Variants in ADGRL2 observed in about 807,000 individuals in gnomAD.
ADGRL2 encodes adhesion G protein-coupled receptor L2, also known as calcium-independent alpha-latrotoxin receptor 2.
Under a neutral mutation model 157.4 loss-of-function variants are expected in ADGRL2, and 44 were observed. The ratio of observed to expected loss-of-function variants is 0.28; its 90% CI spans 0.22 to 0.36. ADGRL2 has a LOEUF of 0.36. ADGRL2 is among the 10% of genes least tolerant of loss of function. ADGRL2 has a pLI of 1.00. For synonymous variants in ADGRL2, 585 were observed against 624.7 expected, an observed-to-expected ratio of 0.94 and a Z score of 0.95; for missense variants, 1,510 against 1,768.9, an observed-to-expected ratio of 0.85 and a Z score of 2.63.
intron 2 of ADGRL2, among the ~76,000 whole-genome samples, chr1:81,539,904 T>C (rs1290143508): frequency 6.6e-6 from 1 of 152,098 alleles, no homozygotes; most frequent in Non-Finnish European, 1.5e-5. Flanking sequence ...CTCTAGAACT[T>C]AGTGTTTTTA....
At chr1:81,707,234 GA>G (rs1026441728) in intron 1 of ADGRL2, among the ~76,000 whole-genome samples, 5 of 151,914 alleles carry the variant, frequency 3.3e-5, no homozygotes, top group African/African-American at 1.2e-4. Flanking sequence ...TTATCAGGGG[GA>G]AAAAAAGGAT....
chr1:81,803,060 C>T (rs1468805878), intron 1 of ADGRL2, among the ~76,000 whole-genome samples: 1 of 152,090 alleles, frequency 6.6e-6, no homozygotes, highest in Non-Finnish European at 1.5e-5. Context: ...CGCGTTGGGC[C>T]TGCGGGAGAA....
At chr1:81,465,343 T>G (rs933338265) in intron 2 of ADGRL2, among the ~76,000 whole-genome samples, 2 of 152,148 alleles carry the variant, frequency 1.3e-5, no homozygotes, top group African/African-American at 4.8e-5. Flanking sequence ...TATCAGAAAT[T>G]AATTACTATT....
intron 1 of ADGRL2, among the ~76,000 whole-genome samples, chr1:81,329,713 C>A (rs890220002): frequency 1.3e-5 from 2 of 152,062 alleles, no homozygotes; most frequent in African/African-American, 4.8e-5. Flanking sequence ...TTTTTAGATG[C>A]CAATTTATTT....
At chr1:81,600,245 G>A (rs747146987) in intron 3 of ADGRL2, among the ~76,000 whole-genome samples, 32 of 152,164 alleles carry the variant, frequency 2.1e-4, no homozygotes, top group Non-Finnish European at 4.0e-4. Flanking sequence ...CAGACCAAAT[G>A]GATGGCAAAG....
intron 3 of ADGRL2, among the ~76,000 whole-genome samples, chr1:81,934,904 A>T (rs1349872157): frequency 6.6e-6 from 1 of 151,988 alleles, no homozygotes; most frequent in Admixed American, 6.6e-5. Context: ...AGGAAATGAA[A>T]GGACTTTTGT....
In ADGRL2 at chr1:81,950,239, A is replaced by C; in HGVS notation, c.1261A>C (p.Ile421Leu). 6.2e-7 allele frequency: 1 copy of C among 1,614,086 alleles called. No individual in the cohort carries two copies. Among genetic ancestry groups the C allele is most frequent in the East Asian group, 2.2e-5 (1 of 44,872 alleles). The change falls in exon 7 of 24, where the codon ATA (isoleucine) becomes CTA (leucine). Residue 421 changes from isoleucine (I) to leucine (L), a missense_variant. Transcript: ENST00000686636. ...ITSSAELFKT[I>L]ISTTSTTSQK... is the part of the protein sequence containing the mutation. ...TTCTTCAGCTGAGCTGTTCAAAACC[A>C]TAATATCAACCACAAGCACTACTTC...
intron 1 of ADGRL2, among the ~76,000 whole-genome samples, chr1:81,711,890 G>C (rs2083941992): frequency 6.6e-6 from 1 of 152,184 alleles, no homozygotes; most frequent in Non-Finnish European, 1.5e-5. Context: ...GGAGAAGATA[G>C]ATTAATGAAC....
chr1:81,978,397 C>A (rs1660767396), intron 17 of ADGRL2, among the ~76,000 whole-genome samples: 1 of 151,678 alleles, frequency 6.6e-6, no homozygotes, highest in Non-Finnish European at 1.5e-5. Context: ...TTTACTTTTT[C>A]TCTAGATGTA....
chr1:81,473,450 TG>T (rs2078212875), intron 2 of ADGRL2, among the ~76,000 whole-genome samples: 2 of 152,224 alleles, frequency 1.3e-5, no homozygotes, highest in Non-Finnish European at 2.9e-5. Flanking sequence ...GATTAATACT[TG>T]TTGCATGTTG....
intron 2 of ADGRL2, among the ~76,000 whole-genome samples, chr1:81,775,368 C>G (rs2149360188): frequency 6.6e-6 from 1 of 152,276 alleles, no homozygotes; most frequent in South Asian, 2.1e-4. Flanking sequence ...ATAAACTCTG[C>G]TGTAGTCTGT....
At chr1:81,668,497 A>G (rs1557550940) in intron 3 of ADGRL2, among the ~76,000 whole-genome samples, 1 of 151,552 alleles carries the variant, frequency 6.6e-6, no homozygotes. Context: ...AATAAAGTAT[A>G]CAAAAGTGTT....
intron 2 of ADGRL2, among the ~76,000 whole-genome samples, chr1:81,867,972 A>G (rs2093590394): frequency 6.6e-6 from 1 of 152,104 alleles, no homozygotes; most frequent in Non-Finnish European, 1.5e-5. Context: ...TCCCAGATAA[A>G]TATGTAGGCC....
At chr1:81,984,987 AT>A (rs1662746275) in intron 20 of ADGRL2, among the ~76,000 whole-genome samples, 1 of 152,104 alleles carries the variant, frequency 6.6e-6, no homozygotes, top group South Asian at 2.1e-4. Context: ...CAGGCACTCA[AT>A]AAACATATAT....
rs1657658218 is a variant in ADGRL2, at chr1:81,968,101, C to G, written c.2425C>G (p.Gln809Glu). The G allele has an allele frequency of 1.9e-6, 3 of 1,613,548 alleles. No homozygotes were observed. The highest frequency in any genetic ancestry group is 2.5e-6 in the Non-Finnish European group (3 of 1,179,728). Residue 809 changes from glutamine to glutamate, a missense_variant, in exon 14 of 24, where the codon CAG (glutamine) becomes GAG (glutamate). Physicochemically the swap from Gln to Glu is conservative, Grantham distance 29 (BLOSUM62 2). This residue lies in a region of ADGRL2 where 497 missense variants were observed against 627.2 expected (regional missense o/e 0.79). Transcript: ENST00000686636. ...AACTATGATGGGATATTGGTCTACCCAGGGCTGCAAGCTGGTTGACACTAA... is the reference window on the plus strand; with the variant it reads ...AACTATGATGGGATATTGGTCTACCGAGGGCTGCAAGCTGGTTGACACTAA... ...ERTMMGYWST[Q>E]GCKLVDTNKT...
At chr1:81,367,196 CTTGTT>C (rs59727022) in intron 1 of ADGRL2, among the ~76,000 whole-genome samples, 1 of 151,236 alleles carries the variant, frequency 6.6e-6, no homozygotes, top group South Asian at 2.1e-4. Flanking sequence ...GGCAGTAACT[CTTGTT>C]TTGTTTTGTT....
At chr1:81,483,462 G>C (rs967119063) in intron 2 of ADGRL2, among the ~76,000 whole-genome samples, 5 of 152,126 alleles carry the variant, frequency 3.3e-5, no homozygotes, top group Non-Finnish European at 5.9e-5. Context: ...AGCAGAACAA[G>C]GTATAGATGA....
At chr1:81,731,997 G>A (rs1304641508) in intron 1 of ADGRL2, among the ~76,000 whole-genome samples, 1 of 152,116 alleles carries the variant, frequency 6.6e-6, no homozygotes, top group African/African-American at 2.4e-5. Context: ...ACAGAGACTA[G>A]AGTATCACTA....
intron 3 of ADGRL2, among the ~76,000 whole-genome samples, chr1:81,593,464 T>C (rs529956760): frequency 6.6e-6 from 1 of 152,186 alleles, no homozygotes. Flanking sequence ...AAAAATGAAC[T>C]AATATGTGAA....
Sources: allele counts gnomAD v4.1 joint callset (sites outside exome capture counted in the v4.1 genomes callset), GRCh38; gene constraint gnomAD v4.1.1; regional missense constraint gnomAD v4.1.1; transcripts MANE v1.5; gene names NCBI Gene and HGNC (gene_info 2026-07-23, HGNC 2026-07-21).